NAA50: variants seen among roughly 807,000 people sequenced by gnomAD.
NAA50 encodes the protein N-alpha-acetyltransferase 50.
In NAA50, 7 loss-of-function variants were observed where a neutral mutation model predicts 20.7. The observed-to-expected ratio is 0.34, with a 90% CI of 0.19 to 0.63. NAA50 has a LOEUF of 0.63. Ranked by LOEUF, NAA50 falls within the 30% of genes least tolerant of loss-of-function variation. The probability of loss-of-function intolerance (pLI) is 0.75; values close to 1 mark genes in which losing one functional copy is unlikely to be tolerated. For missense variants in NAA50, 111 were observed against 199.1 expected (o/e 0.56, Z 2.66); for synonymous variants, 54 against 70.6 (o/e 0.77, Z 1.18).
chr3:113,720,467 C>T lies in NAA50; in HGVS notation c.*1293G>A, dbSNP rs995228977. Reference sequence around the variant, plus strand: ...AGTTATCAATCTGTCAAAGCCACTCCGTGTGTGCCGGAAAATGATCTGGCA... The same window carrying T: ...AGTTATCAATCTGTCAAAGCCACTCTGTGTGTGCCGGAAAATGATCTGGCA... On this transcript the variant is annotated 3_prime_UTR_variant, in exon 5 of 5. Coordinates refer to ENST00000240922, the MANE Select transcript of NAA50 (RefSeq NM_025146.4). 2.0e-5 allele frequency: 3 copies of T among 152,622 alleles called. No homozygotes were observed. Among genetic ancestry groups the T allele is most frequent in the Non-Finnish European group, 4.4e-5 (3 of 68,026 alleles). The allele number at this position is 152,622 out of a possible 1,614,324, so 9.5% of individuals were successfully genotyped here.
In NAA50 at chr3:113,721,637, A is replaced by G; in HGVS notation, c.*123T>C. The G allele has an allele frequency of 2.0e-6, 2 of 984,684 alleles. No individual in the cohort carries two copies. Among genetic ancestry groups the G allele is most frequent in the Non-Finnish European group, 3.1e-6 (2 of 652,246 alleles). The allele number at this position is 984,684 out of a possible 1,614,324, so 61.0% of individuals were successfully genotyped here. The stretch of plus-strand genomic sequence containing the variant: ...CTCTCAGAGAAAAGGAAAGGAAGAA[A>G]GAAAAACAAGAACAAGGAGGGAGAA... On this transcript the variant is annotated 3_prime_UTR_variant, in exon 5 of 5. Coordinates refer to ENST00000240922, the MANE Select transcript of NAA50 (RefSeq NM_025146.4).
At chr3:113,735,002 G>C (rs1461502998) in intron 1 of NAA50, among the ~76,000 whole-genome samples, 3 of 152,260 alleles carry the variant, frequency 2.0e-5, no homozygotes, top group Middle Eastern at 3.4e-3. Flanking sequence ...CTTTTTAAAT[G>C]AAAGAATTCT....
At chr3:113,744,475 A>G (rs931710941) in intron 1 of NAA50, among the ~76,000 whole-genome samples, 2 of 152,024 alleles carry the variant, frequency 1.3e-5, no homozygotes, top group Non-Finnish European at 2.9e-5. Flanking sequence ...TTAAAAAAAA[A>G]AAAATGAAAA....
chr3:113,726,375 T>C (rs979153838), intron 1 of NAA50, among the ~76,000 whole-genome samples: 1 of 152,066 alleles, frequency 6.6e-6, no homozygotes, highest in Admixed American at 6.5e-5. Flanking sequence ...CTGTATGAAA[T>C]TCATGTTTTC....
intron 1 of NAA50, among the ~76,000 whole-genome samples, chr3:113,729,558 TTGAGA>T (rs1708244736): frequency 6.6e-6 from 1 of 151,002 alleles, no homozygotes; most frequent in East Asian, 1.9e-4. Flanking sequence ...TTTTTTTTTT[TTGAGA>T]TGAGGGTCTC....
intron 4 of NAA50, among the ~76,000 whole-genome samples, chr3:113,722,518 A>G (rs1378375787): frequency 6.6e-6 from 1 of 152,092 alleles, no homozygotes; most frequent in African/African-American, 2.4e-5. Flanking sequence ...TCTGATTTTG[A>G]TTATTAAACT....
rs1228971014 is a variant in NAA50 at position 113,717,373 on chromosome 3, A to G, written c.*4387T>C. The G allele has an allele frequency of 1.3e-5, 2 of 152,196 alleles. No individual in the cohort carries two copies. Among genetic ancestry groups the G allele is most frequent in the Non-Finnish European group, 2.9e-5 (2 of 68,036 alleles). 9.4% of individuals were successfully genotyped at this position (152,196 alleles called of 1,614,324 possible). A position where few individuals can be genotyped will look rare whatever the true frequency, so the allele number is the denominator to read the frequency against. ...AAACATTTTACCTAAGAAATCAAGT[A>G]TCTTAAATTTTGGAGAACTGAAAAG... On this transcript the variant is annotated 3_prime_UTR_variant, in exon 5 of 5. Transcript: ENST00000240922.
intron 1 of NAA50, among the ~76,000 whole-genome samples, chr3:113,742,812 T>A (rs1708436564): frequency 6.6e-6 from 1 of 152,220 alleles, no homozygotes; most frequent in Non-Finnish European, 1.5e-5. Flanking sequence ...AAGACATTTT[T>A]TATTAGAACT....
chr3:113,745,802 G>C, intron 1 of NAA50, 140 bp downstream of exon 1: 2 of 1,044,108 alleles, frequency 1.9e-6, no homozygotes, highest in Non-Finnish European at 2.6e-6. Flanking sequence ...TCCGGGAGCC[G>C]AGGGAACTGA....
chr3:113,727,415 T>TA (rs1416063455), intron 1 of NAA50, among the ~76,000 whole-genome samples: 1 of 152,136 alleles, frequency 6.6e-6, no homozygotes, highest in East Asian at 1.9e-4. Context: ...CAAGCATACT[T>TA]ACAGTTTTCA....
intron 1 of NAA50, among the ~76,000 whole-genome samples, chr3:113,745,237 A>T (rs994686019): frequency 1.3e-5 from 2 of 152,214 alleles, no homozygotes; most frequent in African/African-American, 4.8e-5. Context: ...ATCACCTGAA[A>T]GGAGCAGCGT....
In NAA50 at chr3:113,721,860, T is replaced by C. The variant is rs1708140387; in HGVS notation, c.410A>G (p.Asn137Ser). Residue 137 changes from asparagine (N) to serine (S), a missense_variant, in exon 5 of 5, where the codon AAC becomes AGC. By Grantham distance (46) the Asn-to-Ser change is conservative. Coordinates refer to ENST00000240922, the MANE Select transcript of NAA50 (RefSeq NM_025146.4). Reference sequence around the variant, plus strand: ...TGCGGGCTCTATCCTCTTATAGTAGTTCTTCTTTGTCTCAATAATCTCAAA... The same window carrying C: ...TGCGGGCTCTATCCTCTTATAGTAGCTCTTCTTTGTCTCAATAATCTCAAA... ...FGFEIIETKK[N>S]YYKRIEPADA... is the part of the protein sequence containing the mutation. 8 of 1,613,990 alleles carry C rather than the reference T, an allele frequency of 5.0e-6. No individual in the cohort carries two copies. Among genetic ancestry groups the C allele is most frequent in the Non-Finnish European group, 5.9e-6 (7 of 1,179,862 alleles).
chr3:113,721,756 T>C lies in NAA50; in HGVS notation c.*4A>G, dbSNP rs759226514. On this transcript the variant is annotated 3_prime_UTR_variant, in exon 5 of 5. Transcript: ENST00000240922. ...AAGTGCAAGAAAGTTCATTTGTAAT[T>C]TGTTCAGTTGTCTGTCTTTTGCACA... 2.5e-6 allele frequency: 4 copies of C among 1,613,512 alleles called. No homozygotes were observed. In the African/African-American group the frequency reaches 4.0e-5, roughly 16 times the overall value.
chr3:113,737,784 G>A (rs995992763), intron 1 of NAA50, among the ~76,000 whole-genome samples: 1 of 152,134 alleles, frequency 6.6e-6, no homozygotes, highest in African/African-American at 2.4e-5. Flanking sequence ...CCCACTGGGT[G>A]CCAGAACTCT....
At chr3:113,745,554 G>C (rs1040419585) in intron 1 of NAA50, among the ~76,000 whole-genome samples, 2 of 152,212 alleles carry the variant, frequency 1.3e-5, no homozygotes, top group African/African-American at 4.8e-5. Context: ...GTTGAGTCTG[G>C]AGGTGGAAGA....
At chr3:113,728,253 A>G (rs1006591800) in intron 1 of NAA50, among the ~76,000 whole-genome samples, 1 of 152,212 alleles carries the variant, frequency 6.6e-6, no homozygotes, top group African/African-American at 2.4e-5. Flanking sequence ...AAATTCTGTC[A>G]ATCTAAATTT....
intron 1 of NAA50, among the ~76,000 whole-genome samples, chr3:113,735,576 C>T (rs1016743780): frequency 6.6e-6 from 1 of 152,220 alleles, no homozygotes; most frequent in Non-Finnish European, 1.5e-5. Context: ...ACAATGTAGA[C>T]TATCTTAATT....
chr3:113,734,521 A>C (rs888208441), intron 1 of NAA50, among the ~76,000 whole-genome samples: 1 of 152,250 alleles, frequency 6.6e-6, no homozygotes, highest in African/African-American at 2.4e-5. Flanking sequence ...TATATAAGGT[A>C]CAACAAACTG....
rs1435546727 is a variant in NAA50, at chr3:113,717,677, T to C, written c.*4083A>G. ...ACTGTAGTATCCAATTTCCCAGAAA[T>C]ATTCAAATCAGTGAGAACAGCATCA... On this transcript the variant is annotated 3_prime_UTR_variant, in exon 5 of 5. Transcript: ENST00000240922. The C allele has an allele frequency of 1.3e-5, 2 of 152,212 alleles. No homozygotes were observed. Among genetic ancestry groups the C allele is most frequent in the African/African-American group, 4.8e-5 (2 of 41,432 alleles). The allele number at this position is 152,212 out of a possible 1,614,324, so 9.4% of individuals were successfully genotyped here.
Sources: allele counts gnomAD v4.1 joint callset (sites outside exome capture counted in the v4.1 genomes callset), GRCh38; gene constraint gnomAD v4.1.1; transcripts MANE v1.5; gene names NCBI Gene and HGNC (gene_info 2026-07-23, HGNC 2026-07-21).